LRIF1: variants seen among roughly 807,000 people sequenced by gnomAD.
LRIF1 encodes the protein ligand dependent nuclear receptor interacting factor 1, also known as ligand-dependent nuclear receptor-interacting factor 1.
LRIF1 carries 32 observed loss-of-function variants against 52.7 expected under a neutral mutation model. The observed-to-expected ratio is 0.61, with a 90% CI of 0.46 to 0.82. The LOEUF is 0.82. Among genes scored for constraint, LRIF1 ranks in the 40% least tolerant of loss-of-function variants. The pLI is 0.00. For synonymous variants in LRIF1, 323 were observed against 317.4 expected (o/e 1.02, Z -0.19); for missense variants, 887 against 892.0 (o/e 0.99, Z 0.07).
chr1:110,914,707 C>A, the LRIF1 span, among the ~76,000 whole-genome samples: 1 of 151,922 alleles, frequency 6.6e-6, no homozygotes, highest in Non-Finnish European at 1.5e-5. Flanking sequence ...GAGTCGAGAT[C>A]ACACCATTGC....
chr1:110,907,978 A>T, the LRIF1 span, among the ~76,000 whole-genome samples: 1 of 152,176 alleles, frequency 6.6e-6, no homozygotes, highest in African/African-American at 2.4e-5. Flanking sequence ...TACTGCTTTA[A>T]CTAGTGCCCA....
At chr1:110,881,261 C>A in the LRIF1 span, among the ~76,000 whole-genome samples, 4 of 152,078 alleles carry the variant, frequency 2.6e-5, no homozygotes, top group Non-Finnish European at 5.9e-5. Context: ...CCTGCCCTCC[C>A]CCACCTTCAT....
the LRIF1 span, chr1:110,940,297 T>G: frequency 6.6e-6 from 1 of 152,270 alleles, no homozygotes; most frequent in South Asian, 2.1e-4. Context: ...TTCTCCCCAG[T>G]TAAAATGGTT....
intron 1 of LRIF1, 153 bp downstream of exon 1, chr1:110,963,468 A>C: frequency 1.8e-6 from 1 of 561,658 alleles, no homozygotes; most frequent in Admixed American, 3.1e-5. Flanking sequence ...ATGGGCTTTA[A>C]GCGCCGCGGA....
In LRIF1 at chr1:110,947,350, T is replaced by G. The variant is rs1483920050; in HGVS notation, c.*609A>C. 1 of 152,096 alleles carries G rather than the reference T, an allele frequency of 6.6e-6. No homozygotes were observed. The highest frequency in any genetic ancestry group is 1.5e-5 in the Non-Finnish European group (1 of 68,016). The allele number at this position is 152,096 out of a possible 1,614,324, so 9.4% of individuals were successfully genotyped here. ...AAACAAAACATCAAATGGCCTGAATTCTAAAATACCTTTGGATTATATAAA... is the reference window on the plus strand; with the variant it reads ...AAACAAAACATCAAATGGCCTGAATGCTAAAATACCTTTGGATTATATAAA... On this transcript the variant is annotated 3_prime_UTR_variant, in exon 4 of 4. Coordinates refer to ENST00000369763, the MANE Select transcript of LRIF1 (RefSeq NM_018372.4).
the LRIF1 span, among the ~76,000 whole-genome samples, chr1:110,920,465 G>C: frequency 3.9e-5 from 6 of 152,160 alleles, no homozygotes; most frequent in Non-Finnish European, 8.8e-5. Context: ...CCAGCTATGA[G>C]ACATTCTGGA....
Position 110,963,810 on chromosome 1 carries a change from G to A in LRIF1, c.-122C>T, listed in dbSNP as rs577677529. On this transcript the variant is annotated 5_prime_UTR_variant, in exon 1 of 4. Transcript: ENST00000369763. Reference sequence around the variant, plus strand: ...CTGGAGTTGCCCACAGCAACTGTGAGGGGTTCGACCTTAACGGAGGGCGAC... The same window carrying A: ...CTGGAGTTGCCCACAGCAACTGTGAAGGGTTCGACCTTAACGGAGGGCGAC... 1.9e-5 allele frequency: 14 copies of A among 738,018 alleles called. No individual in the cohort carries two copies. In the Admixed American group the frequency reaches 2.3e-4, roughly 12 times the overall value. The allele number at this position is 738,018 out of a possible 1,614,324, so 45.7% of individuals were successfully genotyped here.
the LRIF1 span, among the ~76,000 whole-genome samples, chr1:110,889,098 C>T: frequency 3.2e-5 from 4 of 124,610 alleles, no homozygotes; most frequent in African/African-American, 7.9e-5. Context: ...ATGTCACATT[C>T]TAAGAGTTAA....
the LRIF1 span, among the ~76,000 whole-genome samples, chr1:110,927,628 A>C: frequency 2.0e-5 from 3 of 152,144 alleles, no homozygotes; most frequent in African/African-American, 7.2e-5. Flanking sequence ...CCACTGCTTC[A>C]TGCCAATGAG....
chr1:110,917,412 T>C, the LRIF1 span, among the ~76,000 whole-genome samples: 4 of 152,230 alleles, frequency 2.6e-5, no homozygotes, highest in Non-Finnish European at 5.9e-5. Flanking sequence ...GTAAAATTTA[T>C]GTAACAAGTT....
chr1:110,921,435 C>A, the LRIF1 span, among the ~76,000 whole-genome samples: 1 of 151,402 alleles, frequency 6.6e-6, no homozygotes, highest in Non-Finnish European at 1.5e-5. Flanking sequence ...ATGGAAACAC[C>A]AAATGTAAAA....
At chr1:110,962,603 C>T (rs144508990) in intron 1 of LRIF1, among the ~76,000 whole-genome samples, 182 of 152,230 alleles carry the variant, frequency 1.2e-3, no homozygotes, top group Middle Eastern at 6.8e-3. Context: ...TTTTCCTACA[C>T]GACGTATTTT....
the LRIF1 span, among the ~76,000 whole-genome samples, chr1:110,909,255 C>T: frequency 1.3e-5 from 2 of 152,146 alleles, no homozygotes; most frequent in African/African-American, 4.8e-5. Flanking sequence ...AGCCTAATAC[C>T]TGTCACCACA....
chr1:110,925,435 G>A, the LRIF1 span, among the ~76,000 whole-genome samples: 1 of 151,668 alleles, frequency 6.6e-6, no homozygotes, highest in Non-Finnish European at 1.5e-5. Context: ...CTCTTCACAC[G>A]CGCATACACA....
intron 3 of LRIF1, among the ~76,000 whole-genome samples, chr1:110,949,365 GC>G (rs1313272527): frequency 6.6e-6 from 1 of 150,890 alleles, no homozygotes; most frequent in African/African-American, 2.4e-5. Flanking sequence ...TGATCCGCCC[GC>G]CTCAGCCTCC....
chr1:110,929,276 T>C, the LRIF1 span, among the ~76,000 whole-genome samples: 73 of 152,362 alleles, frequency 4.8e-4, no homozygotes, highest in African/African-American at 1.5e-3. Context: ...TTTGGGTATA[T>C]ACCCAGTAAT....
the LRIF1 span, among the ~76,000 whole-genome samples, chr1:110,886,777 G>A: frequency 2.0e-5 from 3 of 150,806 alleles, no homozygotes; most frequent in South Asian, 6.3e-4. Flanking sequence ...TCCAGGAGGT[G>A]GAGGCTGCCG....
chr1:110,937,006 T>C, the LRIF1 span: 1 of 152,124 alleles, frequency 6.6e-6, no homozygotes, highest in Non-Finnish European at 1.5e-5. Context: ...CATTCTATAA[T>C]GATAAAGAGG....
chr1:110,885,660 C>G, the LRIF1 span, among the ~76,000 whole-genome samples: 3 of 152,004 alleles, frequency 2.0e-5, no homozygotes, highest in African/African-American at 4.8e-5. Flanking sequence ...GTCAGGAGTT[C>G]GAGACCAGCC....
Sources: allele counts gnomAD v4.1 joint callset (sites outside exome capture counted in the v4.1 genomes callset), GRCh38; gene constraint gnomAD v4.1.1; transcripts MANE v1.5; gene names NCBI Gene and HGNC (gene_info 2026-07-23, HGNC 2026-07-21).